Variants in AGR2 observed in about 807,000 individuals in gnomAD.
AGR2 encodes anterior gradient protein 2 homolog.
Under a neutral mutation model 25.9 loss-of-function variants are expected in AGR2, and 27 were observed. The ratio of observed to expected loss-of-function variants is 1.04; its 90% confidence interval spans 0.77 to 1.44. AGR2 has a LOEUF of 1.44. Among genes scored for constraint, AGR2 ranks in the 40% most tolerant of loss-of-function variants. The pLI, the probability that AGR2 is intolerant of heterozygous loss-of-function variation, is 0.00. For missense variants in AGR2, 182 were observed against 200.9 expected, an observed-to-expected ratio of 0.91 and a Z score of 0.57; for synonymous variants, 78 against 72.0, an observed-to-expected ratio of 1.08 and a Z score of -0.42.
Position 16,796,853 on chromosome 7 carries a change from G to GA in AGR2, c.394+777dup, listed in dbSNP as rs1335881287. The stretch of plus-strand genomic sequence containing the variant: ...ATTGGGGGACAGAGAAGGAAGTGGG[G>GA]AAAGCATATGAAAAGTACCAGTGGC... On this transcript the variant is annotated intron_variant, in intron 6 of 7. Transcript: ENST00000419304. Among the ~76,000 whole-genome samples the GA allele has an allele frequency of 3.9e-5, 6 of 152,112 alleles. No homozygotes were observed. The East Asian group carries it at 5.8e-4, about 15-fold the overall frequency.
chr7:16,797,991 TAAGG>T (rs1468111953), intron 5 of AGR2, among the ~76,000 whole-genome samples: 1 of 152,148 alleles, frequency 6.6e-6, no homozygotes, highest in Non-Finnish European at 1.5e-5. Flanking sequence ...AAGAGGCTAT[TAAGG>T]AAAAAAGCAG....
At chr7:16,804,723 C>T (rs1785204789) in intron 1 of AGR2, among the ~76,000 whole-genome samples, 1 of 152,108 alleles carries the variant, frequency 6.6e-6, no homozygotes, top group African/African-American at 2.4e-5. Context: ...TCTGAACTAA[C>T]TCGGGAACGT....
At chr7:16,793,085 C>A in intron 7 of AGR2, 128 bp from the exon 8 acceptor site, 1 of 828,820 alleles carries the variant, frequency 1.2e-6, no homozygotes, top group South Asian at 1.6e-5. Flanking sequence ...AGGTCTCACT[C>A]CCACTCAGGC....
chr7:16,800,340 G>A (rs1785120734), intron 4 of AGR2, among the ~76,000 whole-genome samples: 1 of 152,194 alleles, frequency 6.6e-6, no homozygotes, highest in African/African-American at 2.4e-5. Context: ...GTGGGCAGGG[G>A]GAACTGCAAA....
chr7:16,793,063 T>G, intron 7 of AGR2, 106 bp from the exon 8 acceptor site: 1 of 1,109,040 alleles, frequency 9.0e-7, no homozygotes, highest in Non-Finnish European at 1.3e-6. Context: ...GGATGCTTTT[T>G]TTTTTGAGAC....
intron 1 of AGR2, among the ~76,000 whole-genome samples, chr7:16,803,674 A>G (rs1198304088): frequency 6.6e-6 from 1 of 152,214 alleles, no homozygotes; most frequent in African/African-American, 2.4e-5. Context: ...TATACCTACA[A>G]AGATGTGGAA....
chr7:16,797,760 T>A, intron 5 of AGR2, 66 bp from the exon 6 acceptor site: 1 of 1,355,886 alleles, frequency 7.4e-7, no homozygotes, highest in Non-Finnish European at 1.0e-6. Flanking sequence ...AACTTGTTAA[T>A]ACAAGAATCT....
intron 6 of AGR2, among the ~76,000 whole-genome samples, chr7:16,796,179 T>G (rs1785042629): frequency 6.6e-6 from 1 of 152,192 alleles, no homozygotes; most frequent in Non-Finnish European, 1.5e-5. Context: ...TTCAAACATG[T>G]AGTCAGGGTG....
chr7:16,802,620 TA>T (rs1210671953), intron 1 of AGR2, among the ~76,000 whole-genome samples: 1 of 152,196 alleles, frequency 6.6e-6, no homozygotes, highest in Non-Finnish European at 1.5e-5. Flanking sequence ...TGCACCATCA[TA>T]AAGTCAAAAA....
chr7:16,798,347 G>T (rs1026806224), intron 5 of AGR2, among the ~76,000 whole-genome samples: 1 of 152,170 alleles, frequency 6.6e-6, no homozygotes, highest in Non-Finnish European at 1.5e-5. Flanking sequence ...CTTCATGCAG[G>T]GGGAAGAGTA....
rs1784984346 is a variant in AGR2 at position 16,792,806 on chromosome 7, C to T, written c.*102G>A. On this transcript the variant is annotated 3_prime_UTR_variant, in exon 8 of 8. Coordinates refer to ENST00000419304, the MANE Select transcript of AGR2 (RefSeq NM_006408.4). The stretch of plus-strand genomic sequence containing the variant: ...TTGTAACATTAAACCATAACCTAAT[C>T]AGTGTGTTCACTATGCTTCCACACT... 2.0e-6 allele frequency: 2 copies of T among 1,001,322 alleles called. No individual in the cohort carries two copies. The highest frequency in any genetic ancestry group is 1.6e-5 in the African/African-American group (1 of 62,432). 62.0% of individuals were successfully genotyped at this position (1,001,322 alleles called of 1,614,324 possible). A position where few individuals can be genotyped will look rare whatever the true frequency, so the allele number is the denominator to read the frequency against.
chr7:16,794,532 A>G (rs1352818986), intron 7 of AGR2: 12 of 336,226 alleles, frequency 3.6e-5, no homozygotes, highest in Non-Finnish European at 5.3e-5. Context: ...ACTGAACCTG[A>G]ATTTAATTTT....
At chr7:16,794,755 A>T in intron 7 of AGR2, 181 bp downstream of exon 7, 1 of 1,444,472 alleles carries the variant, frequency 6.9e-7, no homozygotes, top group South Asian at 1.5e-5. Context: ...AAAAACAAAC[A>T]AACCTGAGAT....
At chr7:16,797,783 C>G in intron 5 of AGR2, 89 bp from the exon 6 acceptor site, 1 of 995,688 alleles carries the variant, frequency 1.0e-6, no homozygotes, top group Non-Finnish European at 1.5e-6. Context: ...CCATTTCCGG[C>G]CAGGCATCTC....
At chr7:16,795,647 A>G (rs1295880301) in intron 6 of AGR2, among the ~76,000 whole-genome samples, 3 of 152,172 alleles carry the variant, frequency 2.0e-5, no homozygotes, top group African/African-American at 7.2e-5. Context: ...ATTTAACTTG[A>G]AGTGATCTAA....
intron 6 of AGR2, among the ~76,000 whole-genome samples, chr7:16,795,514 A>G (rs190858132): frequency 6.8e-4 from 104 of 152,326 alleles, no homozygotes; most frequent in Non-Finnish European, 1.3e-3. Context: ...TCAAATAAGC[A>G]TATAGTACCT....
At chr7:16,797,306 T>C (rs1050918214) in intron 6 of AGR2, among the ~76,000 whole-genome samples, 1 of 152,162 alleles carries the variant, frequency 6.6e-6, no homozygotes, top group Non-Finnish European at 1.5e-5. Flanking sequence ...GATTAAAAAA[T>C]AAATATTTGC....
chr7:16,794,354 C>A (rs1044171614), intron 7 of AGR2, among the ~76,000 whole-genome samples: 2 of 152,156 alleles, frequency 1.3e-5, no homozygotes, highest in African/African-American at 2.4e-5. Context: ...ACTTTTCTTC[C>A]CAGAGGACTA....
intron 7 of AGR2, among the ~76,000 whole-genome samples, chr7:16,794,452 A>G (rs943373203): frequency 6.6e-6 from 1 of 152,180 alleles, no homozygotes; most frequent in Non-Finnish European, 1.5e-5. Context: ...TCTCTCTTCC[A>G]TTGATGGCAA....
Sources: gnomAD v4.1 joint callset for allele counts (sites outside exome capture counted in the v4.1 genomes callset) on GRCh38, gnomAD v4.1.1 for gene constraint, MANE v1.5 for transcripts, NCBI Gene and HGNC (gene_info 2026-07-23, HGNC 2026-07-21) for gene names.